SFXN5: variants seen among roughly 807,000 people sequenced by gnomAD.
SFXN5 encodes the protein sideroflexin-5.
In SFXN5, 43 loss-of-function variants were observed where a neutral mutation model predicts 50.2. The observed-to-expected ratio is 0.86, with a 90% CI of 0.67 to 1.11. The LOEUF (loss-of-function observed/expected upper bound fraction) is 1.11, where lower values mean the gene tolerates loss of function less well. Among genes scored for constraint, SFXN5 ranks in the 50% least tolerant of loss-of-function variants. The probability of loss-of-function intolerance (pLI) is 0.00; values close to 1 mark genes in which losing one functional copy is unlikely to be tolerated. For missense variants in SFXN5, 463 were observed against 454.1 expected, an observed-to-expected ratio of 1.02 and a Z score of -0.18; for synonymous variants, 203 against 185.8, an observed-to-expected ratio of 1.09 and a Z score of -0.75.
intron 1 of SFXN5, among the ~76,000 whole-genome samples, chr2:73,062,025 G>A (rs535196676): frequency 1.1e-4 from 17 of 152,246 alleles, no homozygotes; most frequent in African/African-American, 4.1e-4. Flanking sequence ...GCTGAGGTAG[G>A]AGGACCACTT....
intron 12 of SFXN5, among the ~76,000 whole-genome samples, chr2:72,964,770 G>C (rs1674172058): frequency 6.6e-6 from 1 of 152,236 alleles, no homozygotes; most frequent in South Asian, 2.1e-4. Context: ...GAAACATGAG[G>C]CTGCCAGGAG....
At chr2:72,963,522 A>G (rs1455183525) in intron 12 of SFXN5, among the ~76,000 whole-genome samples, 2 of 150,644 alleles carry the variant, frequency 1.3e-5, no homozygotes, top group Non-Finnish European at 3.0e-5. Context: ...GAGCGAACAC[A>G]GTAGGACAGG....
At chr2:73,056,790 G>A (rs962963883) in intron 2 of SFXN5, among the ~76,000 whole-genome samples, 12 of 152,176 alleles carry the variant, frequency 7.9e-5, no homozygotes, top group African/African-American at 2.9e-4. Context: ...AAGTGTTGGT[G>A]AGGAAGTGGA....
chr2:72,982,444 C>T (rs761863149), intron 10 of SFXN5, among the ~76,000 whole-genome samples: 20 of 152,358 alleles, frequency 1.3e-4, no homozygotes, highest in Admixed American at 6.5e-5. Context: ...GGTTCTGCCA[C>T]GAGTGACTCA....
At chr2:72,980,758 G>A (rs938113798) in intron 10 of SFXN5, among the ~76,000 whole-genome samples, 1 of 152,146 alleles carries the variant, frequency 6.6e-6, no homozygotes, top group African/African-American at 2.4e-5. Flanking sequence ...ATCAACCAAA[G>A]ATAAAGCTCA....
rs146351413 is a variant in SFXN5, at chr2:73,009,010, C to G, written c.358-7432G>C. ...GTCAAGCTGGGGATGTGCACCTGGGCAGAAGGCAGCTTGACTGTGGTTTCC... is the reference window on the plus strand; with the variant it reads ...GTCAAGCTGGGGATGTGCACCTGGGGAGAAGGCAGCTTGACTGTGGTTTCC... On this transcript the variant is annotated intron_variant, in intron 6 of 13. Transcript: ENST00000272433. Among the ~76,000 whole-genome samples the G allele has an allele frequency of 4.5e-3, 684 of 152,250 alleles. 9 individuals carry two copies. The highest frequency in any genetic ancestry group is 0.015 in the African/African-American group (618 of 41,542).
intron 10 of SFXN5, among the ~76,000 whole-genome samples, chr2:72,986,238 G>T (rs775186143): frequency 6.6e-6 from 1 of 152,238 alleles, no homozygotes; most frequent in African/African-American, 2.4e-5. Flanking sequence ...GAGCCAGGTG[G>T]CTGGTTCTCG....
intron 12 of SFXN5, among the ~76,000 whole-genome samples, chr2:72,964,719 C>T (rs571099077): frequency 2.0e-4 from 30 of 152,354 alleles, no homozygotes; most frequent in Non-Finnish European, 4.1e-4. Flanking sequence ...AACTTTTCTT[C>T]TCCCCAGGGA....
chr2:73,011,988 C>T (rs1475397434), intron 6 of SFXN5, among the ~76,000 whole-genome samples: 1 of 152,218 alleles, frequency 6.6e-6, no homozygotes, highest in Non-Finnish European at 1.5e-5. Context: ...CAACCCATCA[C>T]ACTGGAGGAG....
intron 1 of SFXN5, among the ~76,000 whole-genome samples, chr2:73,061,722 T>C (rs1682822603): frequency 6.6e-6 from 1 of 152,166 alleles, no homozygotes; most frequent in African/African-American, 2.4e-5. Flanking sequence ...GGCTTATGTA[T>C]GATTTATATT....
At chr2:72,967,490 CCTGA>C in intron 12 of SFXN5, among the ~76,000 whole-genome samples, 1 of 152,118 alleles carries the variant, frequency 6.6e-6, no homozygotes. Flanking sequence ...CGGGCAGAGG[CCTGA>C]CTGAGAGAGG....
rs1167365878 is a variant in SFXN5 at position 72,950,398 on chromosome 2, T to C, written c.946-5299A>G. Among the ~76,000 whole-genome samples, 4 of 152,210 alleles carry C rather than the reference T, an allele frequency of 2.6e-5. No individual in the cohort carries two copies. Among genetic ancestry groups the C allele is most frequent in the East Asian group, 1.9e-4 (1 of 5,196 alleles). ...GATCCTGGTTCATAGCCTCTCACTC[T>C]ATCCCAGGCCAACTTAACTGGTCAT... On this transcript the variant is annotated intron_variant, in intron 13 of 13. Transcript: ENST00000272433. The surrounding 1 kb of genome is among the most constrained non-coding windows in gnomAD (Gnocchi z 4.2).
chr2:73,065,455 C>T (rs1683105052), intron 1 of SFXN5, among the ~76,000 whole-genome samples: 1 of 151,806 alleles, frequency 6.6e-6, no homozygotes, highest in Non-Finnish European at 1.5e-5. Context: ...GGCTGGAGTG[C>T]AATGGTGCAA....
rs1272345732 is a variant in SFXN5 at position 73,047,344 on chromosome 2, CAT to C, written c.172-6415_172-6414del. ...GTATATATATGTGTATATATATGTA[CAT>C]ATATATGTGTATATATGTATATATA... On this transcript the variant is annotated intron_variant, in intron 2 of 13. Transcript: ENST00000272433. 1.4e-4 allele frequency among the ~76,000 whole-genome samples: 14 copies of C among 100,262 alleles called. No individual in the cohort carries two copies. In the South Asian group the frequency reaches 1.8e-3, roughly 13 times the overall value. The allele number at this position is 100,262 out of a possible 152,430, so 65.8% of individuals were successfully genotyped here.
At chr2:72,983,053 G>T (rs1370212232) in intron 10 of SFXN5, among the ~76,000 whole-genome samples, 1 of 152,252 alleles carries the variant, frequency 6.6e-6, no homozygotes, top group African/African-American at 2.4e-5. Context: ...AGGGGATGAG[G>T]CCTGGGGAGC....
intron 6 of SFXN5, among the ~76,000 whole-genome samples, chr2:73,008,790 C>T (rs1265392701): frequency 2.0e-5 from 3 of 152,174 alleles, no homozygotes; most frequent in Non-Finnish European, 4.4e-5. Context: ...TGCCACACAC[C>T]GAAGGGGGAA....
intron 6 of SFXN5, among the ~76,000 whole-genome samples, chr2:73,013,351 T>TA (rs892966109): frequency 4.7e-5 from 7 of 150,244 alleles, no homozygotes; most frequent in African/African-American, 1.7e-4. Flanking sequence ...AAAACAGGAA[T>TA]AAAAAAATTA....
At chr2:72,993,894 A>G (rs1229310843) in intron 9 of SFXN5, among the ~76,000 whole-genome samples, 7 of 152,158 alleles carry the variant, frequency 4.6e-5, no homozygotes, top group African/African-American at 1.7e-4. Flanking sequence ...CTATAGCCAG[A>G]AAACACAGGC....
chr2:73,033,847 G>C (rs1678616518), intron 3 of SFXN5, among the ~76,000 whole-genome samples: 2 of 152,190 alleles, frequency 1.3e-5, no homozygotes, highest in African/African-American at 2.4e-5. Context: ...GGCAACATCA[G>C]AAAACATTTT....
Sources: allele counts gnomAD v4.1 joint callset (sites outside exome capture counted in the v4.1 genomes callset), GRCh38; gene constraint gnomAD v4.1.1; non-coding constraint Gnocchi (gnomAD v3.1); transcripts MANE v1.5; gene names NCBI Gene and HGNC (gene_info 2026-07-23, HGNC 2026-07-21).